Variants in DHDDS observed in about 807,000 individuals in gnomAD.
DHDDS encodes the protein dehydrodolichyl diphosphate synthase complex subunit DHDDS.
In DHDDS, 16 loss-of-function variants were observed where a neutral mutation model predicts 46.2. That is an observed-to-expected ratio of 0.35 (90% CI 0.23 to 0.53). The LOEUF (loss-of-function observed/expected upper bound fraction) is 0.53. Ranked by LOEUF, DHDDS falls within the 20% of genes least tolerant of loss-of-function variation. The probability of loss-of-function intolerance (pLI) is 0.94; values close to 1 mark genes in which losing one functional copy is unlikely to be tolerated. For missense variants in DHDDS, 340 were observed against 423.7 expected (o/e 0.80, Z 1.73); for synonymous variants, 151 against 163.1 (o/e 0.93, Z 0.56).
At chr1:26,454,823 G>A in intron 6 of DHDDS, 1 of 1,580,908 alleles carries the variant, frequency 6.3e-7, no homozygotes. Context: ...CATCTTAGGT[G>A]CTTTGTTCAC....
Position 26,438,163 on chromosome 1 carries a change from C to T in DHDDS, c.64-5C>T, listed in dbSNP as rs1477661467. ...CTGTTCATCATTTGTCTTCCTATTC[C>T]ACAGGCAGGCCCAATGCCGAAACAC... On this transcript the variant is annotated splice_polypyrimidine_tract_variant and splice_region_variant and intron_variant, in intron 2 of 8. Transcript: ENST00000236342. The T allele has an allele frequency of 1.2e-6, 2 of 1,613,502 alleles. No individual in the cohort carries two copies. The highest frequency in any genetic ancestry group is 1.6e-4 in the Middle Eastern group (1 of 6,062).
chr1:26,469,824 C>T lies in DHDDS; in HGVS notation c.*693C>T, dbSNP rs925301810. 4 of 157,220 alleles carry T rather than the reference C, an allele frequency of 2.5e-5. No individual in the cohort carries two copies. The highest frequency in any genetic ancestry group is 7.2e-5 in the African/African-American group (3 of 41,478). 9.7% of individuals were successfully genotyped at this position (157,220 alleles called of 1,614,324 possible). ...AGCCCACACAAGCTTTTCTCCTCCTCTTGCAGGGCATGGGGCCAGGCTCCA... is the reference window on the plus strand; with the variant it reads ...AGCCCACACAAGCTTTTCTCCTCCTTTTGCAGGGCATGGGGCCAGGCTCCA... On this transcript the variant is annotated 3_prime_UTR_variant, in exon 9 of 9. Coordinates refer to ENST00000236342, the MANE Select transcript of DHDDS (RefSeq NM_205861.3).
chr1:26,443,935 T>C (rs745602063), intron 4 of DHDDS, among the ~76,000 whole-genome samples: 4 of 152,192 alleles, frequency 2.6e-5, no homozygotes, highest in Non-Finnish European at 5.9e-5. Context: ...AAAGATATTA[T>C]TAGCCAATTT....
chr1:26,453,177 C>T (rs1382504020), intron 6 of DHDDS, among the ~76,000 whole-genome samples: 1 of 152,116 alleles, frequency 6.6e-6, no homozygotes, highest in African/African-American at 2.4e-5. Flanking sequence ...GAATAGTTTA[C>T]ACTCTGAATC....
intron 8 of DHDDS, among the ~76,000 whole-genome samples, chr1:26,460,758 A>G (rs1041761183): frequency 1.3e-5 from 2 of 152,192 alleles, no homozygotes; most frequent in African/African-American, 4.8e-5. Context: ...ATTTCATGTA[A>G]GTTTTCTTAT....
At chr1:26,438,658 T>C in intron 3 of DHDDS, 1 of 297,732 alleles carries the variant, frequency 3.4e-6, no homozygotes, top group African/African-American at 2.2e-5. Flanking sequence ...CCAGGAAGCT[T>C]GAGGCTGCAG....
In DHDDS at chr1:26,449,423, CAG is replaced by C. The variant is rs1466682354; in HGVS notation, c.542+1764_542+1765del. ...GCCCATTTTTATTTTTATTTTGAGA[CAG>C]GGACTCACTCTATCGCCCAGGCTGG... On this transcript the variant is annotated intron_variant, in intron 6 of 8. Transcript: ENST00000236342. Among the ~76,000 whole-genome samples, 11 of 151,990 alleles carry C rather than the reference CAG, an allele frequency of 7.2e-5. No individual in the cohort carries two copies. The East Asian group carries it at 2.1e-3, about 29-fold the overall frequency.
At chr1:26,433,536 C>A (rs984874415) in intron 2 of DHDDS, among the ~76,000 whole-genome samples, 13 of 151,946 alleles carry the variant, frequency 8.6e-5, no homozygotes, top group African/African-American at 2.9e-4. Context: ...GTAGTCCCAG[C>A]TACTCGGAAG....
chr1:26,445,329 T>C (rs1461351695), intron 4 of DHDDS, among the ~76,000 whole-genome samples: 1 of 152,238 alleles, frequency 6.6e-6, no homozygotes, highest in Non-Finnish European at 1.5e-5. Context: ...TTGAGGAGTT[T>C]ACTCACTTCT....
At position 26,434,276 on chromosome 1, in the gene DHDDS, G is replaced by A. The variant is rs2075132044; in HGVS notation, c.63+1268G>A. Among the ~76,000 whole-genome samples, 5 of 152,160 alleles carry A rather than the reference G, an allele frequency of 3.3e-5. No homozygotes were observed. In the South Asian group the frequency reaches 1.0e-3, roughly 32 times the overall value. ...TGCCTAAGACAGGTTTGAGATTGGG[G>A]CCAGTCAGCTTGGTTTTGTTTTTCA... On this transcript the variant is annotated intron_variant, in intron 2 of 8. Transcript: ENST00000236342.
chr1:26,443,843 C>T (rs2075242139), intron 4 of DHDDS, among the ~76,000 whole-genome samples: 1 of 152,198 alleles, frequency 6.6e-6, no homozygotes, highest in Non-Finnish European at 1.5e-5. Flanking sequence ...ACTAATCTTA[C>T]CTTTTTAAAG....
chr1:26,469,188 C>T lies in DHDDS; in HGVS notation c.*57C>T, dbSNP rs1557455894. 2.5e-5 allele frequency: 40 copies of T among 1,608,668 alleles called. No homozygotes were observed. The highest frequency in any genetic ancestry group is 2.8e-5 in the Non-Finnish European group (33 of 1,179,992). On this transcript the variant is annotated 3_prime_UTR_variant, in exon 9 of 9. Transcript: ENST00000236342. ...CCTCTGCCTCCAGGGCTCCACTCCC[C>T]TTCCTTTTCTTGGTGAAAGGCACCT... is the stretch of plus-strand genomic sequence containing the variant.
intron 6 of DHDDS, chr1:26,454,889 C>T (rs2075356412): frequency 8.1e-6 from 13 of 1,596,252 alleles, no homozygotes; most frequent in Admixed American, 6.7e-5. Context: ...TTCAGCATTA[C>T]TCTCTGCATT....
chr1:26,455,402 T>G (rs1015074141), intron 6 of DHDDS, among the ~76,000 whole-genome samples: 6 of 152,128 alleles, frequency 3.9e-5, no homozygotes, highest in Admixed American at 6.6e-5. Context: ...TCTGTGATGA[T>G]GATACGGAAA....
At chr1:26,446,224 C>T (rs959867370) in intron 4 of DHDDS, 92 bp from the exon 5 acceptor site, 3 of 1,111,802 alleles carry the variant, frequency 2.7e-6, no homozygotes, top group Non-Finnish European at 4.0e-6. Flanking sequence ...GGAAAGCACT[C>T]AAAAAACTGG....
At chr1:26,438,955 G>A (rs893900948) in intron 3 of DHDDS, among the ~76,000 whole-genome samples, 1 of 152,094 alleles carries the variant, frequency 6.6e-6, no homozygotes, top group Non-Finnish European at 1.5e-5. Context: ...ATTTGTTTGA[G>A]ACAGTCTCAC....
At chr1:26,444,733 A>T (rs966957335) in intron 4 of DHDDS, among the ~76,000 whole-genome samples, 3 of 152,222 alleles carry the variant, frequency 2.0e-5, no homozygotes, top group Non-Finnish European at 4.4e-5. Context: ...CCTGTGCAAC[A>T]GATCGAGACC....
chr1:26,454,851 C>T (rs1295724434), intron 6 of DHDDS: 2 of 1,586,136 alleles, frequency 1.3e-6, no homozygotes, highest in Non-Finnish European at 1.7e-6. Flanking sequence ...TGCTCAATGA[C>T]CAGAGAATCT....
At chr1:26,449,998 C>T (rs990365152) in intron 6 of DHDDS, among the ~76,000 whole-genome samples, 3 of 152,144 alleles carry the variant, frequency 2.0e-5, no homozygotes, top group Non-Finnish European at 4.4e-5. Flanking sequence ...GTCAACAGTT[C>T]AGCGAGGGAT....
Sources: gnomAD v4.1 joint callset for allele counts (sites outside exome capture counted in the v4.1 genomes callset) on GRCh38, gnomAD v4.1.1 for gene constraint, MANE v1.5 for transcripts, NCBI Gene and HGNC (gene_info 2026-07-23, HGNC 2026-07-21) for gene names.